BMP1: variants seen among roughly 807,000 people sequenced by gnomAD.
The protein encoded by BMP1 is mammalian tolloid protein.
Under a neutral mutation model 116.8 loss-of-function variants are expected in BMP1, and 63 were observed. The observed-to-expected ratio is 0.54, with a 90% CI of 0.44 to 0.67. The LOEUF (loss-of-function observed/expected upper bound fraction) is 0.67, where lower values mean the gene tolerates loss of function less well. BMP1 is among the 30% of genes least tolerant of loss of function. The probability of loss-of-function intolerance (pLI) is 0.00; values close to 1 mark genes in which losing one functional copy is unlikely to be tolerated. For missense variants in BMP1, 1,183 were observed against 1,358.9 expected (o/e 0.87, Z 2.04); for synonymous variants, 536 against 533.4 (o/e 1.00, Z -0.07).
At chr8:22,180,168 T>C (rs891445865) in intron 7 of BMP1, among the ~76,000 whole-genome samples, 200 bp from the exon 8 acceptor site, 1 of 152,008 alleles carries the variant, frequency 6.6e-6, no homozygotes, top group African/African-American at 2.4e-5. Flanking sequence ...AGGGCAGCAC[T>C]GGGCTGGGAG....
intron 9 of BMP1, among the ~76,000 whole-genome samples, chr8:22,192,554 G>T (rs531688120): frequency 3.0e-4 from 45 of 152,262 alleles, no homozygotes; most frequent in African/African-American, 1.1e-3. Context: ...TCTGGTTTTT[G>T]AGTGCCCACA....
intron 8 of BMP1, among the ~76,000 whole-genome samples, chr8:22,191,570 T>G (rs188434628): frequency 1.3e-5 from 2 of 152,254 alleles, no homozygotes; most frequent in Non-Finnish European, 2.9e-5. Context: ...ACCATTGCAC[T>G]CCAGCCTGGG....
At chr8:22,168,634 A>G (rs77721284) in intron 1 of BMP1, among the ~76,000 whole-genome samples, 8,852 of 152,140 alleles carry the variant, frequency 0.058, 419 homozygotes, top group Admixed American at 0.1. Flanking sequence ...CGCCTGGCCA[A>G]GGTTTGGACA....
chr8:22,187,890 C>G (rs139768390), intron 8 of BMP1, among the ~76,000 whole-genome samples: 1 of 152,214 alleles, frequency 6.6e-6, no homozygotes, highest in East Asian at 1.9e-4. Flanking sequence ...ATCATCATTA[C>G]CCTCTTAGAA....
chr8:22,194,560 C>G lies in BMP1; in HGVS notation c.1413C>G (p.Phe471Leu), dbSNP rs779585319. The change falls in exon 11 of 20, where the codon TTC becomes TTG. Residue 471 changes from phenylalanine (F) to leucine (L), a missense_variant. Phe to Leu is a conservative substitution (Grantham distance 22). Around this residue, in one of 4 missense-constraint regions of BMP1, gnomAD observed 956 missense variants for 1,135.2 expected, o/e 0.84. Coordinates refer to ENST00000306385, the MANE Select transcript of BMP1 (RefSeq NM_006129.5). The surrounding 1 kb of genome is among the most constrained non-coding windows in gnomAD (Gnocchi z 4.5). ...CIWRIQVSEG[F>L]HVGLTFQSFE... ...GGCGGATCCAGGTGTCTGAGGGCTT[C>G]CACGTGGGCCTCACATTCCAGTCCT... The G allele has an allele frequency of 3.7e-6, 6 of 1,614,068 alleles. No homozygotes were observed. The African/African-American group carries it at 6.7e-5, about 18-fold the overall frequency.
chr8:22,180,789 G>A (rs553415097), intron 8 of BMP1, among the ~76,000 whole-genome samples: 1 of 152,132 alleles, frequency 6.6e-6, no homozygotes, highest in African/African-American at 2.4e-5. Flanking sequence ...TAGTTTTTAC[G>A]GCTACCTCCA....
intron 2 of BMP1, among the ~76,000 whole-genome samples, chr8:22,174,027 A>C (rs958213636): frequency 6.6e-6 from 1 of 152,228 alleles, no homozygotes; most frequent in Non-Finnish European, 1.5e-5. Context: ...CTGTTTTACA[A>C]GTACAGAAAC....
At chr8:22,174,288 C>T (rs1290541795) in intron 2 of BMP1, among the ~76,000 whole-genome samples, 1 of 152,232 alleles carries the variant, frequency 6.6e-6, no homozygotes, top group East Asian at 1.9e-4. Context: ...TGTTTTCTCC[C>T]TCCTCTGTGA....
chr8:22,166,283 G>C (rs1375986582), intron 1 of BMP1, among the ~76,000 whole-genome samples: 1 of 152,006 alleles, frequency 6.6e-6, no homozygotes, highest in African/African-American at 2.4e-5. Context: ...AAAATACAAA[G>C]AGAACCCAGA....
Position 22,194,179 on chromosome 8 carries a change from T to C in BMP1, c.1297+5T>C, listed in dbSNP as rs1829011375. Reference sequence around the variant, plus strand: ...GCTTCTTTGCAGTCTACGAAGGTACTGAGGAAGGCGGCGGGCGGGAGGAGT... The same window carrying C: ...GCTTCTTTGCAGTCTACGAAGGTACCGAGGAAGGCGGCGGGCGGGAGGAGT... On this transcript the variant is annotated splice_donor_5th_base_variant and intron_variant, in intron 10 of 19. Transcript: ENST00000306385. The surrounding 1 kb of genome is among the most constrained non-coding windows in gnomAD (Gnocchi z 4.5). The C allele has an allele frequency of 6.2e-7, 1 of 1,613,218 alleles. No homozygotes were observed. Among genetic ancestry groups the C allele is most frequent in the Non-Finnish European group, 8.5e-7 (1 of 1,179,152 alleles).
chr8:22,165,391 C>A lies in BMP1; in HGVS notation c.-15C>A. ...GCCTCCAGTGCGCCGCTTCCCTCGC[C>A]GCCGCCCCGCCAGCATGCCCGGCGT... On this transcript the variant is annotated 5_prime_UTR_variant, in exon 1 of 20. Transcript: ENST00000306385. 6.9e-7 allele frequency: 1 copy of A among 1,446,074 alleles called. No homozygotes were observed. Among genetic ancestry groups the A allele is most frequent in the East Asian group, 2.9e-5 (1 of 34,268 alleles). The allele number at this position is 1,446,074 out of a possible 1,614,324, so 89.6% of individuals were successfully genotyped here.
Position 22,194,192 on chromosome 8 carries a change from G to C in BMP1, c.1297+18G>C. ...CTACGAAGGTACTGAGGAAGGCGGCGGGCGGGAGGAGTCAGATAGGAGGTC... is the reference window on the plus strand; with the variant it reads ...CTACGAAGGTACTGAGGAAGGCGGCCGGCGGGAGGAGTCAGATAGGAGGTC... On this transcript the variant is annotated intron_variant, in intron 10 of 19. Coordinates refer to ENST00000306385, the MANE Select transcript of BMP1 (RefSeq NM_006129.5). This position sits in a 1 kb window ranked among gnomAD's most constrained non-coding sequence, Gnocchi z 4.5. 1 of 1,607,914 alleles carries C rather than the reference G, an allele frequency of 6.2e-7. No homozygotes were observed. Among genetic ancestry groups the C allele is most frequent in the Non-Finnish European group, 8.5e-7 (1 of 1,174,342 alleles).
At position 22,173,617 on chromosome 8, in the gene BMP1, A is replaced by T. The variant is rs1296297920; in HGVS notation, c.164A>T (p.Asp55Val). 6.2e-7 allele frequency: 1 copy of T among 1,611,996 alleles called. No individual in the cohort carries two copies. The highest frequency in any genetic ancestry group is 1.7e-5 in the Admixed American group (1 of 59,578). ...DPCKAAAFLG[D>V]IALDEEDLRA... ...TTCTCTTTAGCTGCCTTTCTTGGGG[A>T]CATTGCCCTGGACGAAGAGGACCTG... Residue 55 changes from aspartate (D) to valine (V), a missense_variant, in exon 2 of 20, where the codon GAC (aspartate) becomes GTC (valine). Asp to Val is a radical substitution (Grantham distance 152). Coordinates refer to ENST00000306385, the MANE Select transcript of BMP1 (RefSeq NM_006129.5).
Position 22,211,885 on chromosome 8 carries a change from G to C in BMP1, c.*157G>C. ...GTGAGACTGTCCATAGGAGGTGGGG[G>C]AACTGGACTCCGGCATAAGCCACTT... On this transcript the variant is annotated 3_prime_UTR_variant, in exon 20 of 20. Coordinates refer to ENST00000306385, the MANE Select transcript of BMP1 (RefSeq NM_006129.5). 8.8e-7 allele frequency: 1 copy of C among 1,133,414 alleles called. No individual in the cohort carries two copies. The highest frequency in any genetic ancestry group is 1.2e-6 in the Non-Finnish European group (1 of 810,764). 70.2% of individuals were successfully genotyped at this position (1,133,414 alleles called of 1,614,324 possible).
At chr8:22,196,877 C>T in intron 14 of BMP1, 37 bp downstream of exon 14, 1 of 1,587,546 alleles carries the variant, frequency 6.3e-7, no homozygotes, top group South Asian at 1.2e-5. Flanking sequence ...GGGCAGGAAG[C>T]TGTGAGGCGT....
chr8:22,184,543 G>A (rs746323415), intron 8 of BMP1, among the ~76,000 whole-genome samples: 2 of 152,216 alleles, frequency 1.3e-5, no homozygotes, highest in African/African-American at 2.4e-5. Flanking sequence ...AGTTGTAAGG[G>A]AAGCCAAGTG....
In BMP1 at chr8:22,201,914, A is replaced by C. The variant is rs1433937584; in HGVS notation, c.2219A>C (p.His740Pro). Residue 740 changes from histidine (H) to proline (P), a missense_variant, in exon 16 of 20, where the codon CAC (histidine) becomes CCC (proline). Physicochemically the swap from His to Pro is moderately conservative, Grantham distance 77. Around this residue, in one of 4 missense-constraint regions of BMP1, gnomAD observed 956 missense variants for 1,135.2 expected, o/e 0.84. Transcript: ENST00000306385. The part of the protein sequence containing the change: ...RSGFVLHDNK[H>P]DCKEAGCDHK... ...GGCTTCGTCCTCCATGACAACAAGC[A>C]CGACTGCAAAGAAGGTACGGGCTGC... 5 of 1,613,532 alleles carry C rather than the reference A, an allele frequency of 3.1e-6. No homozygotes were observed. The highest frequency in any genetic ancestry group is 4.2e-6 in the Non-Finnish European group (5 of 1,179,712).
intron 1 of BMP1, among the ~76,000 whole-genome samples, chr8:22,166,882 G>A (rs1355397741): frequency 2.0e-5 from 3 of 152,186 alleles, no homozygotes; most frequent in Non-Finnish European, 4.4e-5. Context: ...GACTGCGCAT[G>A]GACTTTGAAG....
chr8:22,201,700 T>C, intron 15 of BMP1, 103 bp from the exon 16 acceptor site: 1 of 1,540,922 alleles, frequency 6.5e-7, no homozygotes, highest in South Asian at 1.2e-5. Flanking sequence ...GCTGTTGCTC[T>C]GTCCCGGTGG....
Sources: allele counts gnomAD v4.1 joint callset (sites outside exome capture counted in the v4.1 genomes callset), GRCh38; gene constraint gnomAD v4.1.1; regional missense constraint gnomAD v4.1.1; non-coding constraint Gnocchi (gnomAD v3.1); transcripts MANE v1.5; gene names NCBI Gene and HGNC (gene_info 2026-07-23, HGNC 2026-07-21).